The following ROBO1 variants were observed in gnomAD, a reference collection of about 807,000 sequenced individuals.
The protein encoded by ROBO1 is roundabout homolog 1.
Under a neutral mutation model 195.9 loss-of-function variants are expected in ROBO1, and 149 were observed. The ratio of observed to expected loss-of-function variants is 0.76; its 90% CI spans 0.67 to 0.87. ROBO1 has a LOEUF of 0.87. Among genes scored for constraint, ROBO1 ranks in the 40% least tolerant of loss-of-function variants. The pLI is 0.00. For missense variants in ROBO1, 1,933 were observed against 2,068.3 expected (o/e 0.93, Z 1.27); for synonymous variants, 816 against 733.2 (o/e 1.11, Z -1.82).
At chr3:78,662,867 G>A (rs1425506077) in intron 14 of ROBO1, among the ~76,000 whole-genome samples, 2 of 152,004 alleles carry the variant, frequency 1.3e-5, no homozygotes, top group Non-Finnish European at 1.5e-5. Flanking sequence ...AGAATGAAGT[G>A]GCTACTAATG....
chr3:79,010,128 A>G (rs189052852), intron 3 of ROBO1, among the ~76,000 whole-genome samples: 11 of 152,294 alleles, frequency 7.2e-5, no homozygotes, highest in Admixed American at 2.6e-4. Context: ...TCTAAAAAGG[A>G]ACTAAAACAG....
At chr3:79,535,072 CTTA>C (rs144849485) in intron 2 of ROBO1, among the ~76,000 whole-genome samples, 86,493 of 151,524 alleles carry the variant, frequency 0.57, 24,774 homozygotes, top group Non-Finnish European at 0.6. Flanking sequence ...CCCCAAATGC[CTTA>C]TTTTTTTTTA....
chr3:79,520,740 G>A (rs1941173327), intron 2 of ROBO1, among the ~76,000 whole-genome samples: 2 of 152,044 alleles, frequency 1.3e-5, no homozygotes, highest in African/African-American at 4.8e-5. Flanking sequence ...AAAGAATTGG[G>A]GAAGTTAATT....
At chr3:79,321,682 T>A (rs2033987616) in intron 2 of ROBO1, among the ~76,000 whole-genome samples, 1 of 152,162 alleles carries the variant, frequency 6.6e-6, no homozygotes, top group South Asian at 2.1e-4. Flanking sequence ...ACAAGGACAA[T>A]CTATTGTAGC....
chr3:78,605,452 T>C (rs557423735), intron 29 of ROBO1, among the ~76,000 whole-genome samples: 1 of 152,364 alleles, frequency 6.6e-6, no homozygotes, highest in Non-Finnish European at 1.5e-5. Flanking sequence ...AGAGTATTCA[T>C]ACAACAGAAG....
Position 79,334,300 on chromosome 3 carries a change from TA to T in ROBO1, c.89-208762del, listed in dbSNP as rs59858022. On this transcript the variant is annotated intron_variant, in intron 2 of 30. Coordinates refer to ENST00000464233, the MANE Select transcript of ROBO1 (RefSeq NM_002941.4). ...CCTGGTGACAGAGTGAGACTCTGTC[TA>T]AAAAAAAAAAATATATATATATATA... is the stretch of plus-strand genomic sequence containing the variant. 1.8e-3 allele frequency among the ~76,000 whole-genome samples: 210 copies of T among 118,206 alleles called. 1 individual carries two copies. The highest frequency in any genetic ancestry group is 5.7e-3 in the African/African-American group (190 of 33,292). The allele number at this position is 118,206 out of a possible 152,430, so 77.5% of individuals were successfully genotyped here. A position where few individuals can be genotyped will look rare whatever the true frequency, so the allele number is the denominator to read the frequency against.
rs561051550 is a variant in ROBO1 at position 79,473,493 on chromosome 3, T to A, written c.88+116331A>T. Among the ~76,000 whole-genome samples, 12 of 152,230 alleles carry A rather than the reference T, an allele frequency of 7.9e-5. No individual in the cohort carries two copies. In the South Asian group the frequency reaches 2.1e-3, roughly 26 times the overall value. ...TTGCTAGGTGATTTTCGACAAGGCCTCACCATCTCGAAAACTCGGAGAAAT... is the reference window on the plus strand; with the variant it reads ...TTGCTAGGTGATTTTCGACAAGGCCACACCATCTCGAAAACTCGGAGAAAT... On this transcript the variant is annotated intron_variant, in intron 2 of 30. Transcript: ENST00000464233.
intron 1 of ROBO1, among the ~76,000 whole-genome samples, chr3:79,663,893 C>A (rs572401964): frequency 1.3e-5 from 2 of 152,122 alleles, no homozygotes; most frequent in Admixed American, 6.6e-5. Flanking sequence ...CAGTTCATTT[C>A]AAGGTTATTT....
chr3:79,692,620 C>T (rs915648263), intron 1 of ROBO1, among the ~76,000 whole-genome samples: 8 of 151,722 alleles, frequency 5.3e-5, no homozygotes, highest in African/African-American at 9.7e-5. Context: ...AAAAAGTCCA[C>T]GGCATAGAAG....
chr3:79,428,844 T>C (rs773214976), intron 2 of ROBO1, among the ~76,000 whole-genome samples: 20 of 151,808 alleles, frequency 1.3e-4, no homozygotes, highest in South Asian at 4.1e-4. Flanking sequence ...TCAAATACTC[T>C]ATGTTAAGTG....
At chr3:79,467,897 G>C (rs1194698423) in intron 2 of ROBO1, among the ~76,000 whole-genome samples, 1 of 152,174 alleles carries the variant, frequency 6.6e-6, no homozygotes, top group African/African-American at 2.4e-5. Context: ...TGAGCACACA[G>C]ACAGAAAAAC....
At chr3:79,110,107 G>T (rs1052876792) in intron 3 of ROBO1, among the ~76,000 whole-genome samples, 1 of 151,948 alleles carries the variant, frequency 6.6e-6, no homozygotes. Context: ...GTCCCTTCAG[G>T]TACAAAATGG....
intron 4 of ROBO1, among the ~76,000 whole-genome samples, chr3:78,878,981 G>T (rs141316999): frequency 1.3e-5 from 2 of 152,112 alleles, no homozygotes; most frequent in African/African-American, 4.8e-5. Context: ...TCCTTTCAAC[G>T]TGGGGAAAAA....
intron 2 of ROBO1, among the ~76,000 whole-genome samples, chr3:79,428,207 A>G (rs936098961): frequency 6.6e-6 from 1 of 152,168 alleles, no homozygotes; most frequent in African/African-American, 2.4e-5. Context: ...AAGGTGTCCA[A>G]TAGAGGTATC....
chr3:78,655,696 G>C (rs577186094), intron 18 of ROBO1, among the ~76,000 whole-genome samples: 2 of 152,094 alleles, frequency 1.3e-5, no homozygotes, highest in Non-Finnish European at 2.9e-5. Flanking sequence ...TGAAAACCAG[G>C]TGTTTCTTAA....
chr3:78,949,414 GATTCCCTATTTAATAA>G (rs2040645745), intron 3 of ROBO1, among the ~76,000 whole-genome samples: 1 of 147,864 alleles, frequency 6.8e-6, no homozygotes, highest in Admixed American at 6.7e-5. Flanking sequence ...ATGGGGAAAG[GATTCCCTATTTAATAA>G]ATGGTGCTGG....
chr3:78,771,406 G>C (rs1433238160), intron 4 of ROBO1, among the ~76,000 whole-genome samples: 2 of 152,106 alleles, frequency 1.3e-5, no homozygotes, highest in Non-Finnish European at 2.9e-5. Flanking sequence ...ATGAATTTTA[G>C]AATAGTTTTT....
intron 2 of ROBO1, among the ~76,000 whole-genome samples, chr3:79,464,702 TTGA>T (rs1157850787): frequency 7.2e-5 from 11 of 152,252 alleles, no homozygotes; most frequent in Non-Finnish European, 1.5e-4. Context: ...TTTTATTTTC[TTGA>T]TGATATCCAT....
chr3:79,049,517 G>A (rs769125744), intron 3 of ROBO1, among the ~76,000 whole-genome samples: 12 of 152,098 alleles, frequency 7.9e-5, no homozygotes, highest in Non-Finnish European at 1.8e-4. Flanking sequence ...AGCAAGGCAG[G>A]CCAACATTCA....
Sources: gnomAD v4.1 joint callset for allele counts (sites outside exome capture counted in the v4.1 genomes callset) on GRCh38, gnomAD v4.1.1 for gene constraint, MANE v1.5 for transcripts, NCBI Gene and HGNC (gene_info 2026-07-23, HGNC 2026-07-21) for gene names.